The following USP26 variants were observed in gnomAD, a reference collection of about 807,000 sequenced individuals.
USP26 encodes the protein ubiquitin specific peptidase 26.
For synonymous variants in USP26, 236 were observed against 240.6 expected, an observed-to-expected ratio of 0.98 and a Z score of 0.18; for missense variants, 649 against 642.3, an observed-to-expected ratio of 1.01 and a Z score of -0.11.
At chrX:133,036,195 A>T (rs1388279225) in intron 5 of USP26, among the ~76,000 whole-genome samples, 1 of 110,540 alleles carries the variant, frequency 9.0e-6, no homozygotes, top group African/African-American at 3.3e-5. Flanking sequence ...TCTGGGATAC[A>T]TGTGCTGAAT....
chrX:133,087,521 C>T (rs977976582), intron 4 of USP26, among the ~76,000 whole-genome samples: 16 of 111,862 alleles, frequency 1.4e-4, no homozygotes, highest in Non-Finnish European at 5.6e-5. Context: ...TTATTTACAC[C>T]TTAGAAATTG....
Position 133,023,920 on chromosome X carries a change from G to A in USP26, c.*1559C>T, listed in dbSNP as rs973047135. ...AGGGGGCATATTCCTATTGGTAAAG[G>A]TGTGACTGAAAATTCAATCCTATGT... On this transcript the variant is annotated 3_prime_UTR_variant, in exon 6 of 6. Coordinates refer to ENST00000511190, the MANE Select transcript of USP26 (RefSeq NM_031907.3). Among the ~76,000 whole-genome samples, 7 of 111,886 alleles carry A rather than the reference G, an allele frequency of 6.3e-5. No homozygotes were observed. The highest frequency in any genetic ancestry group is 2.3e-4 in the African/African-American group (7 of 30,769).
rs1189563636 is a variant in USP26, at chrX:133,094,089, A to G, written c.-392-2646T>C. ...CTTACACTTTATCCTCAAAGCAAAA[A>G]TCTTGTTTCTCAGTGATTATGCTCA... is the stretch of plus-strand genomic sequence containing the variant. On this transcript the variant is annotated intron_variant, in intron 1 of 5. Transcript: ENST00000511190. Among the ~76,000 whole-genome samples, 4 of 111,078 alleles carry G rather than the reference A, an allele frequency of 3.6e-5. No homozygotes were observed. The East Asian group carries it at 1.1e-3, about 31-fold the overall frequency.
chrX:133,026,019 T>C lies in USP26; in HGVS notation c.2202A>G (p.Lys734=). The C allele has an allele frequency of 8.3e-7, 1 of 1,210,386 alleles. No homozygotes were observed. The part of the protein sequence containing the change: ...KNIRIPERFQ[K]VSEQTQQCDG... ...CACACTGCTGAGTCTGTTCAGACACTTTTTGGAATCTTTCTGGAATTCTGA... is the reference window on the plus strand; with the variant it reads ...CACACTGCTGAGTCTGTTCAGACACCTTTTGGAATCTTTCTGGAATTCTGA... Residue 734 remains lysine (K), a synonymous_variant, in exon 6 of 6, where the codon AAA becomes AAG. Transcript: ENST00000511190.
chrX:133,084,448 C>T (rs2067581228), intron 4 of USP26, among the ~76,000 whole-genome samples: 1 of 111,021 alleles, frequency 9.0e-6, no homozygotes, highest in Non-Finnish European at 1.9e-5. Context: ...ATCCTCCTGC[C>T]TTGGCTGCCC....
chrX:133,065,343 A>G (rs2067507853), intron 5 of USP26, among the ~76,000 whole-genome samples: 1 of 111,961 alleles, frequency 8.9e-6, no homozygotes, highest in Non-Finnish European at 1.9e-5. Flanking sequence ...ATTCCAAACA[A>G]TAGAAAAAGA....
At chrX:133,040,160 G>T (rs1286193100) in intron 5 of USP26, among the ~76,000 whole-genome samples, 1 of 111,972 alleles carries the variant, frequency 8.9e-6, no homozygotes, top group African/African-American at 3.2e-5. Flanking sequence ...GCCAGTCTGT[G>T]TCTTTTAATT....
chrX:133,092,135 T>G (rs1396671723), intron 1 of USP26, among the ~76,000 whole-genome samples: 4 of 112,121 alleles, frequency 3.6e-5, no homozygotes, highest in Non-Finnish European at 5.6e-5. Context: ...TGCATTAATC[T>G]TGTGGTTACA....
intron 5 of USP26, among the ~76,000 whole-genome samples, chrX:133,030,046 T>C (rs905677689): frequency 4.5e-5 from 5 of 112,160 alleles, no homozygotes; most frequent in African/African-American, 1.6e-4. Context: ...CAAGACTCCA[T>C]TGAAGAGCAC....
chrX:133,083,254 T>C (rs1230565622), intron 5 of USP26, among the ~76,000 whole-genome samples: 1 of 112,294 alleles, frequency 8.9e-6, no homozygotes, highest in Non-Finnish European at 1.9e-5. Flanking sequence ...GATCTCTTGA[T>C]ATTTCCAAGC....
chrX:133,096,964 T>C (rs1382931789), intron 1 of USP26, 66 bp downstream of exon 1: 2 of 112,491 alleles, frequency 1.8e-5, no homozygotes, highest in Non-Finnish European at 3.8e-5. Flanking sequence ...TAGCCACATA[T>C]AGAAAGCACA....
chrX:133,040,395 A>G (rs1024708382), intron 5 of USP26, among the ~76,000 whole-genome samples: 4 of 111,483 alleles, frequency 3.6e-5, no homozygotes, highest in Non-Finnish European at 7.5e-5. Flanking sequence ...GGTGGTGACA[A>G]AATCCCTCAG....
At chrX:133,034,978 C>T (rs889199844) in intron 5 of USP26, among the ~76,000 whole-genome samples, 1 of 111,997 alleles carries the variant, frequency 8.9e-6, no homozygotes, top group Non-Finnish European at 1.9e-5. Flanking sequence ...AAATCATTTA[C>T]AAAAGATTTC....
At chrX:133,050,619 C>T (rs191274396) in intron 5 of USP26, among the ~76,000 whole-genome samples, 6 of 111,229 alleles carry the variant, frequency 5.4e-5, no homozygotes, top group African/African-American at 1.6e-4. Flanking sequence ...AAAAAAGAAG[C>T]AATAATATTA....
chrX:133,061,133 CA>C (rs1205366091), intron 5 of USP26, among the ~76,000 whole-genome samples: 1 of 111,237 alleles, frequency 9.0e-6, no homozygotes, highest in Non-Finnish European at 1.9e-5. Flanking sequence ...ATATTAATAA[CA>C]AAAAAGTTTG....
intron 5 of USP26, among the ~76,000 whole-genome samples, chrX:133,080,283 C>T (rs2067565473): frequency 9.0e-6 from 1 of 111,293 alleles, no homozygotes; most frequent in African/African-American, 3.3e-5. Flanking sequence ...AAAGAAGGCA[C>T]TGAAACCTGG....
chrX:133,092,544 T>C (rs777679054), intron 1 of USP26, among the ~76,000 whole-genome samples: 1 of 112,410 alleles, frequency 8.9e-6, no homozygotes, highest in Non-Finnish European at 1.9e-5. Context: ...ACACTGAGAA[T>C]AGATCTTCAA....
intron 5 of USP26, among the ~76,000 whole-genome samples, chrX:133,074,894 A>G (rs891208829): frequency 1.8e-5 from 2 of 112,248 alleles, no homozygotes; most frequent in African/African-American, 6.5e-5. Flanking sequence ...AAAATAGAAA[A>G]CCAATAGATT....
At chrX:133,029,653 C>A (rs2067368893) in intron 5 of USP26, among the ~76,000 whole-genome samples, 1 of 112,099 alleles carries the variant, frequency 8.9e-6, no homozygotes, top group African/African-American at 3.2e-5. Context: ...AGAGAACCTG[C>A]AACCATAGAA....
Sources: allele counts gnomAD v4.1 joint callset (sites outside exome capture counted in the v4.1 genomes callset), GRCh38; gene constraint gnomAD v4.1.1; transcripts MANE v1.5; gene names NCBI Gene and HGNC (gene_info 2026-07-23, HGNC 2026-07-21).